The following UBE3B variants were observed in gnomAD, a reference collection of about 807,000 sequenced individuals.
The protein encoded by UBE3B is ubiquitin-protein ligase E3B.
UBE3B carries 80 observed loss-of-function variants against 132.3 expected under a neutral mutation model. The observed-to-expected ratio is 0.60, with a 90% CI of 0.50 to 0.73. UBE3B has a LOEUF of 0.73. Ranked by LOEUF, UBE3B falls within the 30% of genes least tolerant of loss-of-function variation. The probability of loss-of-function intolerance (pLI) is 0.00; values close to 1 mark genes in which losing one functional copy is unlikely to be tolerated. For missense variants in UBE3B, 1,196 were observed against 1,362.5 expected, an observed-to-expected ratio of 0.88 and a Z score of 1.92; for synonymous variants, 487 against 520.4, an observed-to-expected ratio of 0.94 and a Z score of 0.87.
chr12:109,541,911 C>A, the UBE3B span, among the ~76,000 whole-genome samples: 4 of 152,182 alleles, frequency 2.6e-5, no homozygotes, highest in African/African-American at 9.7e-5. Context: ...TGAATTAGGA[C>A]CCACCCTCAC....
intron 4 of UBE3B, 51 bp from the exon 5 acceptor site, chr12:109,485,961 A>G: frequency 1.3e-6 from 2 of 1,545,982 alleles, no homozygotes; most frequent in Non-Finnish European, 1.7e-6. Flanking sequence ...CTTTGTTTTC[A>G]CTTTTTGATG....
chr12:109,521,547 A>G lies in UBE3B; in HGVS notation c.2360A>G (p.Tyr787Cys), dbSNP rs555124927. Reference sequence around the variant, plus strand: ...GGGAAGATGCTGGGGAAGGCTGTGTATGAGGTAGGAACGTTAAGAAACAGA... The same window carrying G: ...GGGAAGATGCTGGGGAAGGCTGTGTGTGAGGTAGGAACGTTAAGAAACAGA... ...FVGKMLGKAV[Y>C]EGIVVDVPFA... Residue 787 changes from tyrosine (Y) to cysteine (C), a missense_variant, in exon 21 of 28, where the codon TAT becomes TGT. Coordinates refer to ENST00000342494, the MANE Select transcript of UBE3B (RefSeq NM_130466.4). The surrounding 1 kb of genome is among the most constrained non-coding windows in gnomAD (Gnocchi z 4.2). The G allele has an allele frequency of 3.2e-6, 5 of 1,577,726 alleles. No individual in the cohort carries two copies. In the African/African-American group the frequency reaches 4.1e-5, roughly 13 times the overall value.
chr12:109,545,501 C>T, the UBE3B span, among the ~76,000 whole-genome samples: 8,136 of 152,298 alleles, frequency 0.053, 300 homozygotes, highest in Non-Finnish European at 0.082. Context: ...TATTCTGATG[C>T]CCACTCAAGT....
chr12:109,546,260 G>C, the UBE3B span, among the ~76,000 whole-genome samples: 192 of 152,262 alleles, frequency 1.3e-3, 6 homozygotes, highest in East Asian at 0.03. Context: ...TGGTGAATAG[G>C]CTGGGTGGCT....
downstream of UBE3B, among the ~76,000 whole-genome samples, chr12:109,541,656 C>T (rs1018851045): frequency 6.6e-6 from 1 of 152,172 alleles, no homozygotes; most frequent in African/African-American, 2.4e-5. Flanking sequence ...CACAACAAGC[C>T]GGGTGGCTTA....
chr12:109,507,439 T>A (rs1879829755), intron 14 of UBE3B, 125 bp from the exon 15 acceptor site: 1 of 1,069,022 alleles, frequency 9.4e-7, no homozygotes, highest in Non-Finnish European at 1.4e-6. Flanking sequence ...TAATCCCACC[T>A]TCTTTTCACG....
chr12:109,486,464 C>A lies in UBE3B; in HGVS notation c.343-7C>A. Reference sequence around the variant, plus strand: ...GCCCATGACATTCCTCTTTTTCCCACCTATAGGTGTGGTATGTGTCCCTGG... The same window carrying A: ...GCCCATGACATTCCTCTTTTTCCCAACTATAGGTGTGGTATGTGTCCCTGG... On this transcript the variant is annotated splice_polypyrimidine_tract_variant and splice_region_variant and intron_variant, in intron 5 of 27. Transcript: ENST00000342494. 1.3e-6 allele frequency: 2 copies of A among 1,597,642 alleles called. No individual in the cohort carries two copies. Among genetic ancestry groups the A allele is most frequent in the Non-Finnish European group, 1.7e-6 (2 of 1,172,428 alleles).
chr12:109,524,145 C>T (rs748582198), intron 22 of UBE3B, 30 bp downstream of exon 22: 46 of 1,613,100 alleles, frequency 2.9e-5, no homozygotes, highest in Admixed American at 3.3e-5. Context: ...TGAGCTAAGC[C>T]GAGCACTGGT....
At chr12:109,512,460 G>C (rs955203549) in intron 18 of UBE3B, among the ~76,000 whole-genome samples, 1 of 152,134 alleles carries the variant, frequency 6.6e-6, no homozygotes, top group African/African-American at 2.4e-5. Flanking sequence ...CATGGCTCAC[G>C]TCCCTGGTGA....
intron 11 of UBE3B, among the ~76,000 whole-genome samples, chr12:109,498,970 C>T (rs1038090301): frequency 1.2e-4 from 18 of 152,016 alleles, no homozygotes; most frequent in Non-Finnish European, 2.5e-4. Context: ...GGACTACAAG[C>T]GCACACTACC....
chr12:109,498,263 C>T lies in UBE3B; in HGVS notation c.850C>T (p.Leu284Phe). The change falls in exon 11 of 28, where the codon CTT becomes TTT. Residue 284 changes from leucine (L) to phenylalanine (F), a missense_variant. Physicochemically the swap from Leu to Phe is conservative, Grantham distance 22. Transcript: ENST00000342494. Reference protein sequence around the residue: ...RLTVLESHDMLRKFIIFLRDQ... With the variant: ...RLTVLESHDMFRKFIIFLRDQ... ...CACTGTTTTAGAATCCCATGACATGCTTCGTAAATTCATCATATTTTTAAG... is the reference window on the plus strand; with the variant it reads ...CACTGTTTTAGAATCCCATGACATGTTTCGTAAATTCATCATATTTTTAAG... 6.2e-7 allele frequency: 1 copy of T among 1,614,138 alleles called. No individual in the cohort carries two copies. Among genetic ancestry groups the T allele is most frequent in the South Asian group, 1.1e-5 (1 of 91,078 alleles).
At chr12:109,512,410 T>G (rs1880488866) in intron 18 of UBE3B, among the ~76,000 whole-genome samples, 1 of 151,984 alleles carries the variant, frequency 6.6e-6, no homozygotes, top group Admixed American at 6.5e-5. Context: ...TGGGGAGGAT[T>G]GGGCTGTGGC....
Position 109,511,314 on chromosome 12 carries a change from C to T in UBE3B, c.1956+11C>T, listed in dbSNP as rs771411711. 5.0e-6 allele frequency: 8 copies of T among 1,612,978 alleles called. No homozygotes were observed. In the Admixed American group the frequency reaches 8.3e-5, roughly 17 times the overall value. ...ATCCCTCACAAAAACGTGAGTTGCACTCAGAGCTGGGCCCCGATGTGTCTT... is the reference window on the plus strand; with the variant it reads ...ATCCCTCACAAAAACGTGAGTTGCATTCAGAGCTGGGCCCCGATGTGTCTT... On this transcript the variant is annotated intron_variant, in intron 18 of 27. Coordinates refer to ENST00000342494, the MANE Select transcript of UBE3B (RefSeq NM_130466.4).
At chr12:109,525,153 T>C (rs1314089853) in intron 23 of UBE3B, among the ~76,000 whole-genome samples, 4 of 152,118 alleles carry the variant, frequency 2.6e-5, no homozygotes, top group African/African-American at 9.7e-5. Flanking sequence ...AGCCACACTT[T>C]CCATATCCAT....
intron 19 of UBE3B, among the ~76,000 whole-genome samples, chr12:109,519,365 C>T (rs914256491): frequency 1.3e-5 from 2 of 152,180 alleles, no homozygotes; most frequent in Non-Finnish European, 2.9e-5. Flanking sequence ...ACGCCAGTTC[C>T]CAGAAGGCAG....
At position 109,477,931 on chromosome 12, in the gene UBE3B, C is replaced by G. The variant is rs1357120157; in HGVS notation, c.-306C>G. On this transcript the variant is annotated 5_prime_UTR_variant, in exon 1 of 28. Transcript: ENST00000342494. ...AGTGCTGGGATCTGGCGTGTGTGCT[C>G]CAGGGGCTCTTTCCGCGGCCCTTTC... 1 of 153,046 alleles carries G rather than the reference C, an allele frequency of 6.5e-6. No homozygotes were observed. Among genetic ancestry groups the G allele is most frequent in the South Asian group, 2.0e-4 (1 of 5,070 alleles). The allele number at this position is 153,046 out of a possible 1,614,324, so 9.5% of individuals were successfully genotyped here.
rs1487116101 is a variant in UBE3B at position 109,534,087 on chromosome 12, C to T, written c.3016-504C>T. 1 of 1,294,616 alleles carries T rather than the reference C, an allele frequency of 7.7e-7. No homozygotes were observed. Among genetic ancestry groups the T allele is most frequent in the Non-Finnish European group, 1.0e-6 (1 of 992,870 alleles). 80.2% of individuals were successfully genotyped at this position (1,294,616 alleles called of 1,614,324 possible). On this transcript the variant is annotated intron_variant, in intron 27 of 27. Transcript: ENST00000342494. The surrounding 1 kb of genome is among the most constrained non-coding windows in gnomAD (Gnocchi z 5.2). ...TGAGAGTCCTACTCCCCATAAAAAC[C>T]CAGTGGCCGCCTCTGGGTGTAGCTG...
Position 109,483,819 on chromosome 12 carries a change from G to A in UBE3B, c.162-42G>A, listed in dbSNP as rs908966964. 10 of 1,599,322 alleles carry A rather than the reference G, an allele frequency of 6.3e-6. No individual in the cohort carries two copies. In the African/African-American group the frequency reaches 1.2e-4, roughly 19 times the overall value. On this transcript the variant is annotated intron_variant, in intron 3 of 27. Coordinates refer to ENST00000342494, the MANE Select transcript of UBE3B (RefSeq NM_130466.4). ...TTGAAAAGCCTTCCAGGTGCTACAA[G>A]CTGTTAATTTAAAATGTCTTTTTTT... is the stretch of plus-strand genomic sequence containing the variant.
chr12:109,537,422 C>G (rs542671105), downstream of UBE3B, among the ~76,000 whole-genome samples: 89 of 152,300 alleles, frequency 5.8e-4, no homozygotes, highest in African/African-American at 1.9e-3. Flanking sequence ...AGTGGCTTCT[C>G]GCTGCTCCCC....
Sources: allele counts gnomAD v4.1 joint callset (sites outside exome capture counted in the v4.1 genomes callset), GRCh38; gene constraint gnomAD v4.1.1; non-coding constraint Gnocchi (gnomAD v3.1); transcripts MANE v1.5; gene names NCBI Gene and HGNC (gene_info 2026-07-23, HGNC 2026-07-21).